Variants in NEXMIF observed in about 807,000 individuals in gnomAD.
NEXMIF encodes the protein XLMR protein related to neurite extension.
NEXMIF carries 8 observed loss-of-function variants against 62.1 expected under a neutral mutation model. That is an observed-to-expected ratio of 0.13 (90% confidence interval 0.08 to 0.23). The LOEUF (loss-of-function observed/expected upper bound fraction) is 0.23. Ranked by LOEUF, NEXMIF falls within the 10% of genes least tolerant of loss-of-function variation. The probability of loss-of-function intolerance (pLI) is 1.00; values close to 1 mark genes in which losing one functional copy is unlikely to be tolerated. For missense variants in NEXMIF, 976 were observed against 1,113.3 expected (o/e 0.88, Z 1.75); for synonymous variants, 404 against 416.6 (o/e 0.97, Z 0.37).
At chrX:74,796,217 ATATACATATAT>A (rs1166090389) in intron 1 of NEXMIF, among the ~76,000 whole-genome samples, 1 of 70,485 alleles carries the variant, frequency 1.4e-5, no homozygotes, top group African/African-American at 5.9e-5. Flanking sequence ...TATTATATAT[ATATACATATAT>A]AATATATATA....
chrX:74,745,098 C>T (rs1399745916), intron 2 of NEXMIF, among the ~76,000 whole-genome samples: 1 of 110,032 alleles, frequency 9.1e-6, no homozygotes, highest in African/African-American at 3.3e-5. Context: ...TCTCATGCCT[C>T]AGCCTCCCGA....
intron 1 of NEXMIF, among the ~76,000 whole-genome samples, chrX:74,818,128 CTT>C (rs2080382094): frequency 1.8e-5 from 2 of 110,006 alleles, no homozygotes; most frequent in African/African-American, 3.3e-5. Flanking sequence ...ATAAAAAAAA[CTT>C]ATAAAATTCA....
chrX:74,845,189 T>C (rs370799183), intron 1 of NEXMIF, among the ~76,000 whole-genome samples: 1 of 110,933 alleles, frequency 9.0e-6, no homozygotes, highest in Non-Finnish European at 1.9e-5. Context: ...AGGAGTGACA[T>C]AGAGTATTAG....
intron 1 of NEXMIF, among the ~76,000 whole-genome samples, chrX:74,846,040 A>G (rs2080490917): frequency 8.9e-6 from 1 of 112,430 alleles, no homozygotes; most frequent in African/African-American, 3.2e-5. Flanking sequence ...AATAGAAACT[A>G]TTAGCATCCA....
intron 1 of NEXMIF, among the ~76,000 whole-genome samples, chrX:74,753,749 T>G (rs2080151021): frequency 9.1e-6 from 1 of 109,488 alleles, no homozygotes; most frequent in Admixed American, 9.8e-5. Flanking sequence ...AGGACATTCA[T>G]GTACACTCAA....
Position 74,791,389 on chromosome X carries a change from T to C in NEXMIF, c.-47-45692A>G, listed in dbSNP as rs1013003151. Among the ~76,000 whole-genome samples, 9 of 111,651 alleles carry C rather than the reference T, an allele frequency of 8.1e-5. No individual in the cohort carries two copies. In the East Asian group the frequency reaches 1.7e-3, roughly 21 times the overall value. On this transcript the variant is annotated intron_variant, in intron 1 of 3. Coordinates refer to ENST00000055682, the MANE Select transcript of NEXMIF (RefSeq NM_001008537.3). The stretch of plus-strand genomic sequence containing the variant: ...CTGGATTCGGTTTGCCAGTATTTTA[T>C]TGAGGATTTTTGCATCAATGTTCAT...
intron 1 of NEXMIF, among the ~76,000 whole-genome samples, chrX:74,860,130 T>C (rs1295620458): frequency 9.0e-6 from 1 of 111,314 alleles, no homozygotes; most frequent in East Asian, 2.8e-4. Context: ...CAATGATCTA[T>C]GACCTACAAG....
chrX:74,882,856 G>T (rs1020960389), intron 1 of NEXMIF, among the ~76,000 whole-genome samples: 7 of 112,282 alleles, frequency 6.2e-5, no homozygotes, highest in Admixed American at 9.4e-5. Context: ...TCCTCAAGTG[G>T]GTCCCTGACC....
chrX:74,835,428 T>C lies in NEXMIF; in HGVS notation c.-48+89455A>G, dbSNP rs764846520. Reference sequence around the variant, plus strand: ...TATTGTAGTCTTCACAGTCTGGGCTTATTTGCTTCTGCCTTTCTTGAGGAG... The same window carrying C: ...TATTGTAGTCTTCACAGTCTGGGCTCATTTGCTTCTGCCTTTCTTGAGGAG... On this transcript the variant is annotated intron_variant, in intron 1 of 3. Transcript: ENST00000055682. 2.7e-5 allele frequency among the ~76,000 whole-genome samples: 3 copies of C among 111,822 alleles called. No individual in the cohort carries two copies. The East Asian group carries it at 8.5e-4, about 32-fold the overall frequency.
Position 74,739,413 on chromosome X carries a change from C to T in NEXMIF, c.4543G>A (p.Asp1515Asn). ...GAAATAAAACACAAACATCAAATGT[C>T]TTTCTGGAAAATGCGAGTCTCTTCT... ...FEEETRIFQK[D>N]I is the part of the protein sequence containing the mutation. Residue 1515 changes from aspartate (D) to asparagine (N), a missense_variant, in exon 4 of 4, where the codon GAC (aspartate) becomes AAC (asparagine). Physicochemically the swap from Asp to Asn is conservative, Grantham distance 23 (BLOSUM62 1). Coordinates refer to ENST00000055682, the MANE Select transcript of NEXMIF (RefSeq NM_001008537.3). 1.7e-6 allele frequency: 2 copies of T among 1,193,912 alleles called. No homozygotes were observed. The highest frequency in any genetic ancestry group is 2.3e-6 in the Non-Finnish European group (2 of 885,133).
At chrX:74,881,146 G>C (rs1380642505) in intron 1 of NEXMIF, among the ~76,000 whole-genome samples, 1 of 111,233 alleles carries the variant, frequency 9.0e-6, no homozygotes, top group Non-Finnish European at 1.9e-5. Flanking sequence ...GAAATTGCTA[G>C]AGAAAAGAAA....
At chrX:74,796,182 C>CATATATATTATATATATTATATATATA (rs2080307981) in intron 1 of NEXMIF, among the ~76,000 whole-genome samples, 1 of 58,414 alleles carries the variant, frequency 1.7e-5, no homozygotes, top group African/African-American at 7.3e-5. Context: ...TATATATATA[C>CATATATATTATATATATTATATATATA]ATATATATTA....
intron 1 of NEXMIF, among the ~76,000 whole-genome samples, chrX:74,886,450 G>A (rs766116858): frequency 8.9e-6 from 1 of 112,081 alleles, no homozygotes; most frequent in Non-Finnish European, 1.9e-5. Flanking sequence ...CTTCAGCAAA[G>A]TCTCAGGATA....
intron 1 of NEXMIF, among the ~76,000 whole-genome samples, chrX:74,764,959 T>A (rs1482697842): frequency 9.0e-6 from 1 of 111,425 alleles, no homozygotes; most frequent in Non-Finnish European, 1.9e-5. Context: ...CAATGTTGAG[T>A]TCACGTCCTA....
chrX:74,744,000 C>G lies in NEXMIF; in HGVS notation c.557G>C (p.Cys186Ser), dbSNP rs2080117289. Reference protein sequence around the residue: ...TCAVSDIGIQCINAGENMKYG... With the variant: ...TCAVSDIGIQSINAGENMKYG... ...TTTCATATTTTCTCCAGCATTAATA[C>G]ACTGAATCCCTATATCAGAGACTGC... is the stretch of plus-strand genomic sequence containing the variant. Residue 186 changes from cysteine to serine, a missense_variant, in exon 3 of 4, where the codon TGT (cysteine) becomes TCT (serine). Physicochemically the swap from Cys to Ser is moderately radical, Grantham distance 112. Coordinates refer to ENST00000055682, the MANE Select transcript of NEXMIF (RefSeq NM_001008537.3). The G allele has an allele frequency of 8.3e-7, 1 of 1,208,508 alleles. No homozygotes were observed. Among genetic ancestry groups the G allele is most frequent in the South Asian group, 1.8e-5 (1 of 56,712 alleles).
At chrX:74,903,880 C>CGTGTGTGT (rs3222701) in intron 1 of NEXMIF, among the ~76,000 whole-genome samples, 37 of 94,210 alleles carry the variant, frequency 3.9e-4, no homozygotes, top group Non-Finnish European at 5.8e-4. Context: ...CAATTCTAAT[C>CGTGTGTGT]GTGTGTGTGT....
intron 1 of NEXMIF, among the ~76,000 whole-genome samples, chrX:74,790,361 A>C (rs1240226761): frequency 7.9e-5 from 9 of 113,378 alleles, no homozygotes; most frequent in South Asian, 7.1e-4. Flanking sequence ...CAGTACCATG[A>C]TGTTTTGGTT....
chrX:74,845,350 A>G, intron 1 of NEXMIF, among the ~76,000 whole-genome samples: 1 of 112,161 alleles, frequency 8.9e-6, no homozygotes, highest in East Asian at 2.8e-4. Flanking sequence ...TCAAAAATAA[A>G]CAAAAATAAA....
chrX:74,831,256 A>G (rs931218865), intron 1 of NEXMIF, among the ~76,000 whole-genome samples: 1 of 110,349 alleles, frequency 9.1e-6, no homozygotes, highest in African/African-American at 3.3e-5. Flanking sequence ...GGTTTGTTAC[A>G]TATGTATACA....
Sources: allele counts gnomAD v4.1 joint callset (sites outside exome capture counted in the v4.1 genomes callset), GRCh38; gene constraint gnomAD v4.1.1; transcripts MANE v1.5; gene names NCBI Gene and HGNC (gene_info 2026-07-23, HGNC 2026-07-21).